STUM: variants seen among roughly 807,000 people sequenced by gnomAD.
STUM encodes the protein protein stum homolog.
In STUM, 8 loss-of-function variants were observed where a neutral mutation model predicts 15.3. The observed-to-expected ratio is 0.52, with a 90% confidence interval of 0.31 to 0.94. The LOEUF is 0.94. STUM is among the 40% of genes least tolerant of loss of function. STUM has a pLI of 0.05. For missense variants in STUM, 142 were observed against 204.9 expected (o/e 0.69, Z 1.87); for synonymous variants, 78 against 88.7 (o/e 0.88, Z 0.68).
intron 1 of STUM, among the ~76,000 whole-genome samples, chr1:226,550,169 G>A (rs563242466): frequency 4.6e-5 from 7 of 152,194 alleles, no homozygotes; most frequent in Non-Finnish European, 1.0e-4. Flanking sequence ...GAGGCCAGCT[G>A]GAAGGGGTTT....
chr1:226,550,417 C>A lies in STUM; in HGVS notation c.202+1311C>A, dbSNP rs569364781. Among the ~76,000 whole-genome samples, 3 of 152,258 alleles carry A rather than the reference C, an allele frequency of 2.0e-5. No individual in the cohort carries two copies. In the East Asian group the frequency reaches 5.8e-4, roughly 29 times the overall value. On this transcript the variant is annotated intron_variant, in intron 1 of 3. Transcript: ENST00000366788. Reference sequence around the variant, plus strand: ...TTCTGGGGTGCCTCCAGCAGCCTGTCCCCCTGGCTGGTGTCATCAGATCAG... The same window carrying A: ...TTCTGGGGTGCCTCCAGCAGCCTGTACCCCTGGCTGGTGTCATCAGATCAG...
chr1:226,594,755 A>G (rs191675116), intron 1 of STUM, among the ~76,000 whole-genome samples: 4 of 152,308 alleles, frequency 2.6e-5, no homozygotes, highest in Admixed American at 2.6e-4. Context: ...CTTGGGTTCA[A>G]GCGATTTTCC....
At chr1:226,578,718 C>G (rs1667864296) in intron 1 of STUM, among the ~76,000 whole-genome samples, 1 of 152,074 alleles carries the variant, frequency 6.6e-6, no homozygotes, top group South Asian at 2.1e-4. Flanking sequence ...TCGGTGAAGG[C>G]CAAGTTTAAA....
chr1:226,577,642 G>T (rs966174036), intron 1 of STUM, among the ~76,000 whole-genome samples: 2 of 152,194 alleles, frequency 1.3e-5, no homozygotes, highest in African/African-American at 2.4e-5. Flanking sequence ...AGCCCCTCGG[G>T]CCCCAGGGCC....
chr1:226,576,311 T>G (rs1571803228), intron 1 of STUM, among the ~76,000 whole-genome samples: 1 of 152,176 alleles, frequency 6.6e-6, no homozygotes, highest in Non-Finnish European at 1.5e-5. Flanking sequence ...GATGGCTGGG[T>G]ATTCTGGGGT....
intron 1 of STUM, among the ~76,000 whole-genome samples, chr1:226,587,704 G>T (rs932414887): frequency 2.0e-5 from 3 of 152,124 alleles, no homozygotes; most frequent in East Asian, 1.9e-4. Context: ...AGGGAGAAGT[G>T]GTTCAAGATG....
Position 226,577,057 on chromosome 1 carries a change from A to G in STUM, c.203-19745A>G, listed in dbSNP as rs368850900. 1.2e-4 allele frequency among the ~76,000 whole-genome samples: 18 copies of G among 152,338 alleles called. 1 individual carries two copies. In the South Asian group the frequency reaches 3.7e-3, roughly 32 times the overall value. ...CTCACAGCCACATACAGAGATAGGC[A>G]TTACTGCTCTTATTTTCAGGTGAGG... On this transcript the variant is annotated intron_variant, in intron 1 of 3. Coordinates refer to ENST00000366788, the MANE Select transcript of STUM (RefSeq NM_001003665.4).
At chr1:226,576,165 G>A (rs1294618842) in intron 1 of STUM, among the ~76,000 whole-genome samples, 2 of 152,236 alleles carry the variant, frequency 1.3e-5, no homozygotes, top group Non-Finnish European at 2.9e-5. Flanking sequence ...CCTGGCAGGT[G>A]GAGTGATGGT....
chr1:226,592,761 A>T (rs1005727261), intron 1 of STUM, among the ~76,000 whole-genome samples: 5 of 152,202 alleles, frequency 3.3e-5, no homozygotes, highest in African/African-American at 1.2e-4. Context: ...ATGGTGGCAC[A>T]CACTTCCTAA....
intron 1 of STUM, among the ~76,000 whole-genome samples, chr1:226,576,110 G>C (rs1239670630): frequency 6.6e-6 from 1 of 152,242 alleles, no homozygotes; most frequent in Admixed American, 6.5e-5. Context: ...TCAGTAATCA[G>C]GTGGGGACCA....
At chr1:226,598,558 A>G (rs1028383076) in intron 2 of STUM, among the ~76,000 whole-genome samples, 1 of 152,208 alleles carries the variant, frequency 6.6e-6, no homozygotes, top group African/African-American at 2.4e-5. Context: ...GGAACCTTAG[A>G]GATAAAGAAC....
chr1:226,597,458 C>G (rs1668200859), intron 2 of STUM: 2 of 472,482 alleles, frequency 4.2e-6, no homozygotes, highest in Non-Finnish European at 8.8e-6. Flanking sequence ...GACCTCACCT[C>G]TCAGGCACTT....
At chr1:226,570,076 C>T (rs1198773838) in intron 1 of STUM, among the ~76,000 whole-genome samples, 2 of 152,168 alleles carry the variant, frequency 1.3e-5, no homozygotes, top group South Asian at 2.1e-4. Flanking sequence ...TCCCTGGAGG[C>T]CCTCCTTCAC....
intron 1 of STUM, among the ~76,000 whole-genome samples, chr1:226,562,321 T>C (rs1425097646): frequency 6.6e-6 from 1 of 151,718 alleles, no homozygotes; most frequent in Non-Finnish European, 1.5e-5. Context: ...ATACAAAAAT[T>C]AGCCAGGTGT....
In STUM at chr1:226,572,575, C is replaced by T. The variant is rs113300276; in HGVS notation, c.202+23469C>T. Among the ~76,000 whole-genome samples the T allele has an allele frequency of 4.2e-3, 640 of 152,288 alleles. 7 individuals are homozygous for T. The highest frequency in any genetic ancestry group is 0.015 in the African/African-American group (609 of 41,574). On this transcript the variant is annotated intron_variant, in intron 1 of 3. Coordinates refer to ENST00000366788, the MANE Select transcript of STUM (RefSeq NM_001003665.4). Reference sequence around the variant, plus strand: ...GCTTTGTCTAAGAACTCCCAGAGGGCAGGGCCTCCCGGTGGATTAAGCAGG... The same window carrying T: ...GCTTTGTCTAAGAACTCCCAGAGGGTAGGGCCTCCCGGTGGATTAAGCAGG...
chr1:226,578,204 T>C (rs1015641220), intron 1 of STUM, among the ~76,000 whole-genome samples: 1 of 152,110 alleles, frequency 6.6e-6, no homozygotes, highest in African/African-American at 2.4e-5. Context: ...CATGGTCATG[T>C]AGTCTCTTTT....
chr1:226,575,800 C>G (rs991739791), intron 1 of STUM, among the ~76,000 whole-genome samples: 1 of 152,212 alleles, frequency 6.6e-6, no homozygotes, highest in Non-Finnish European at 1.5e-5. Flanking sequence ...GGCAACTGCA[C>G]GCCAATAGAT....
intron 1 of STUM, among the ~76,000 whole-genome samples, chr1:226,578,359 C>CTTTTTTTTT (rs34568214): frequency 3.0e-5 from 2 of 67,258 alleles, no homozygotes; most frequent in Non-Finnish European, 5.2e-5. Flanking sequence ...CAACCCCCAG[C>CTTTTTTTTT]TTTTTTTTTT....
intron 1 of STUM, among the ~76,000 whole-genome samples, chr1:226,570,880 A>G (rs1431201003): frequency 6.6e-6 from 1 of 152,178 alleles, no homozygotes; most frequent in Non-Finnish European, 1.5e-5. Flanking sequence ...TGCATTTAAT[A>G]CATAGACTTT....
Sources: gnomAD v4.1 joint callset for allele counts (sites outside exome capture counted in the v4.1 genomes callset) on GRCh38, gnomAD v4.1.1 for gene constraint, MANE v1.5 for transcripts, NCBI Gene and HGNC (gene_info 2026-07-23, HGNC 2026-07-21) for gene names.